The following ARFGAP3 variants were observed in gnomAD, a reference collection of about 807,000 sequenced individuals.
The protein encoded by ARFGAP3 is ADP-ribosylation factor GTPase-activating protein 3.
Under a neutral mutation model 75.0 loss-of-function variants are expected in ARFGAP3, and 72 were observed. The ratio of observed to expected loss-of-function variants is 0.96; its 90% CI spans 0.79 to 1.17. ARFGAP3 has a LOEUF of 1.17. ARFGAP3 is among the 50% of genes most tolerant of loss of function. The pLI is 0.00. For synonymous variants in ARFGAP3, 221 were observed against 217.9 expected, an observed-to-expected ratio of 1.01 and a Z score of -0.13; for missense variants, 620 against 626.6, an observed-to-expected ratio of 0.99 and a Z score of 0.11.
intron 1 of ARFGAP3, among the ~76,000 whole-genome samples, chr22:42,855,362 A>G (rs1353701301): frequency 1.3e-5 from 2 of 152,206 alleles, no homozygotes; most frequent in Non-Finnish European, 2.9e-5. Flanking sequence ...GTTACACAGG[A>G]CCCACTCTTT....
intron 3 of ARFGAP3, among the ~76,000 whole-genome samples, chr22:42,839,125 A>G (rs12171215): frequency 0.11 from 4,296 of 38,482 alleles, 87 homozygotes; most frequent in African/African-American, 0.22. Flanking sequence ...AAAAAAAAGA[A>G]AAAAAAAAAA....
intron 15 of ARFGAP3, among the ~76,000 whole-genome samples, chr22:42,798,369 T>C (rs189681858): frequency 4.7e-4 from 71 of 152,332 alleles, no homozygotes; most frequent in African/African-American, 1.6e-3. Flanking sequence ...ACGGTTTCAG[T>C]CCTACTTCCT....
Position 42,822,310 on chromosome 22 carries a change from G to C in ARFGAP3, c.772C>G (p.Gln258Glu). 2 of 1,613,974 alleles carry C rather than the reference G, an allele frequency of 1.2e-6. No homozygotes were observed. Among genetic ancestry groups the C allele is most frequent in the Non-Finnish European group, 1.7e-6 (2 of 1,179,968 alleles). Residue 258 changes from glutamine to glutamate, a missense_variant, in exon 9 of 16, where the codon CAG (glutamine) becomes GAG (glutamate). Gln to Glu is a conservative substitution (Grantham distance 29, BLOSUM62 2). Transcript: ENST00000263245. ...GATACCACCTTGGCCAGGTCTTCCT[G>C]CTCCTTCATTTTATCCGCAGCTTGA... ...QAQAADKMKE[Q>E]EDLAKVVSKE...
At chr22:42,821,425 T>C (rs912773947) in intron 9 of ARFGAP3, among the ~76,000 whole-genome samples, 2 of 152,230 alleles carry the variant, frequency 1.3e-5, no homozygotes, top group African/African-American at 2.4e-5. Context: ...GTAAGTTGCT[T>C]TCTGTCTCTA....
chr22:42,851,076 A>C (rs1927258280), intron 1 of ARFGAP3, among the ~76,000 whole-genome samples: 1 of 152,200 alleles, frequency 6.6e-6, no homozygotes, highest in African/African-American at 2.4e-5. Flanking sequence ...GCTGTGTGTA[A>C]TTTCTCACCT....
intron 3 of ARFGAP3, 61 bp from the exon 4 acceptor site, chr22:42,835,554 G>C: frequency 1.3e-6 from 2 of 1,585,628 alleles, no homozygotes; most frequent in Admixed American, 3.4e-5. Flanking sequence ...AGGCGCAGTG[G>C]CTCATGCCTG....
intron 3 of ARFGAP3, among the ~76,000 whole-genome samples, chr22:42,837,876 T>C (rs1926600050): frequency 1.3e-5 from 2 of 151,626 alleles, no homozygotes; most frequent in African/African-American, 4.8e-5. Context: ...TAGACTTTGT[T>C]GTCCAGGCTG....
chr22:42,845,160 G>A (rs1016159821), intron 2 of ARFGAP3, among the ~76,000 whole-genome samples: 4 of 152,226 alleles, frequency 2.6e-5, no homozygotes, highest in African/African-American at 9.6e-5. Context: ...ACTAGGTATT[G>A]CCTTGAGTCT....
At chr22:42,823,263 G>T (rs1192156756) in intron 8 of ARFGAP3, among the ~76,000 whole-genome samples, 4 of 152,058 alleles carry the variant, frequency 2.6e-5, no homozygotes, top group African/African-American at 9.7e-5. Flanking sequence ...GCAAGGCCAG[G>T]ATTCAAACCC....
At chr22:42,819,072 A>G (rs1355280664) in intron 9 of ARFGAP3, among the ~76,000 whole-genome samples, 1 of 149,260 alleles carries the variant, frequency 6.7e-6, no homozygotes, top group Non-Finnish European at 1.5e-5. Context: ...CTCTGCCTCA[A>G]AGAGTCCTGG....
chr22:42,844,884 T>C (rs529318583), intron 2 of ARFGAP3, among the ~76,000 whole-genome samples: 5 of 152,338 alleles, frequency 3.3e-5, no homozygotes. Flanking sequence ...ACAAGCATTG[T>C]GACTCATACA....
intron 2 of ARFGAP3, among the ~76,000 whole-genome samples, chr22:42,842,925 G>A (rs1239059893): frequency 1.3e-5 from 2 of 152,116 alleles, no homozygotes; most frequent in African/African-American, 2.4e-5. Context: ...GGCTCACTAT[G>A]TGCCAGGCTG....
chr22:42,848,565 T>A (rs56182766), intron 1 of ARFGAP3, among the ~76,000 whole-genome samples: 423 of 152,330 alleles, frequency 2.8e-3, no homozygotes, highest in Non-Finnish European at 4.9e-3. Flanking sequence ...TTTAGGTTTG[T>A]GTACCATCTC....
In ARFGAP3 at chr22:42,798,912, T is replaced by A. The variant is rs376391753; in HGVS notation, c.1533+127A>T. On this transcript the variant is annotated intron_variant, in intron 15 of 15. Transcript: ENST00000263245. ...GTTTTCATAATGTTCTGGGTTATAG[T>A]GTAGCAAACATATCGATCCAATAAT... 26 of 778,648 alleles carry A rather than the reference T, an allele frequency of 3.3e-5. No individual in the cohort carries two copies. In the East Asian group the frequency reaches 6.4e-4, roughly 19 times the overall value. 48.2% of individuals were successfully genotyped at this position (778,648 alleles called of 1,614,324 possible).
At chr22:42,834,825 T>G (rs1301454240) in intron 4 of ARFGAP3, among the ~76,000 whole-genome samples, 1 of 152,256 alleles carries the variant, frequency 6.6e-6, no homozygotes, top group Admixed American at 6.5e-5. Flanking sequence ...ATGTCCTTTC[T>G]GCAGTTTATT....
Position 42,826,995 on chromosome 22 carries a change from TC to T in ARFGAP3, c.569del (p.Gly190AspfsTer19). 1 of 1,613,352 alleles carries T rather than the reference TC, an allele frequency of 6.2e-7. No individual in the cohort carries two copies. The highest frequency in any genetic ancestry group is 8.5e-7 in the Non-Finnish European group (1 of 1,179,848). Reference protein sequence around the residue: ...VETTLENNEGGQEQGPSVEGL... With the variant: ...VETTLENNEGXQEQGPSVEGL... ...CTTCCACACTTGGTCCTTGCTCTTG[TC>T]CACCTGAAAATTCAAAACATTGATA... On this transcript the variant is annotated frameshift_variant, in exon 7 of 16. Coordinates refer to ENST00000263245, the MANE Select transcript of ARFGAP3 (RefSeq NM_014570.5). LOFTEE classifies it high-confidence loss of function.
chr22:42,806,673 A>G (rs1428259204), intron 14 of ARFGAP3, among the ~76,000 whole-genome samples: 1 of 152,220 alleles, frequency 6.6e-6, no homozygotes, highest in Admixed American at 6.5e-5. Flanking sequence ...CCCGTTACAG[A>G]GGAGGAGACT....
At chr22:42,855,898 G>A (rs1361067554) in intron 1 of ARFGAP3, among the ~76,000 whole-genome samples, 1 of 151,824 alleles carries the variant, frequency 6.6e-6, no homozygotes, top group African/African-American at 2.4e-5. Flanking sequence ...CAATTAGCTG[G>A]GCGTGGTGGT....
chr22:42,851,147 G>A (rs1927260579), intron 1 of ARFGAP3, among the ~76,000 whole-genome samples: 1 of 152,222 alleles, frequency 6.6e-6, no homozygotes, highest in South Asian at 2.1e-4. Context: ...CATACCAAGT[G>A]GACATACCAG....
Sources: allele counts gnomAD v4.1 joint callset (sites outside exome capture counted in the v4.1 genomes callset), GRCh38; gene constraint gnomAD v4.1.1; transcripts MANE v1.5; gene names NCBI Gene and HGNC (gene_info 2026-07-23, HGNC 2026-07-21).